The following LRRC7 variants were observed in gnomAD, a reference collection of about 807,000 sequenced individuals.
The protein encoded by LRRC7 is leucine-rich repeat-containing protein 7.
In LRRC7, 23 loss-of-function variants were observed where a neutral mutation model predicts 175.7. The observed-to-expected ratio is 0.13, with a 90% CI of 0.09 to 0.19. The LOEUF is 0.19. Among genes scored for constraint, LRRC7 ranks in the 10% least tolerant of loss-of-function variants. The pLI, the probability that LRRC7 is intolerant of heterozygous loss-of-function variation, is 1.00. For synonymous variants in LRRC7, 685 were observed against 680.9 expected (o/e 1.01, Z -0.09); for missense variants, 1,354 against 1,904.7 (o/e 0.71, Z 5.38).
chr1:70,117,608 A>G (rs2102236535), intron 26 of LRRC7, among the ~76,000 whole-genome samples: 1 of 152,326 alleles, frequency 6.6e-6, no homozygotes, highest in South Asian at 2.1e-4. Context: ...GCTTCTGGAA[A>G]TAATGTAATG....
intron 1 of LRRC7, among the ~76,000 whole-genome samples, chr1:69,600,800 C>T (rs139999706): frequency 0.033 from 2,097 of 64,278 alleles, 391 homozygotes; most frequent in Middle Eastern, 0.054. Context: ...TCTCTGGTTT[C>T]TTTTTTTTTT....
intron 7 of LRRC7, among the ~76,000 whole-genome samples, chr1:69,886,286 C>T (rs376250208): frequency 2.6e-5 from 4 of 151,584 alleles, no homozygotes; most frequent in Non-Finnish European, 4.4e-5. Flanking sequence ...ACTTGCTTTA[C>T]GAATCTGGGT....
rs757867928 is a variant in LRRC7, at chr1:69,568,595, C to A, written c.-45C>A. The A allele has an allele frequency of 1.5e-6, 2 of 1,349,144 alleles. No homozygotes were observed. The highest frequency in any genetic ancestry group is 1.5e-5 in the African/African-American group (1 of 66,128). The allele number at this position is 1,349,144 out of a possible 1,614,324, so 83.6% of individuals were successfully genotyped here. A position where few individuals can be genotyped will look rare whatever the true frequency, so the allele number is the denominator to read the frequency against. The stretch of plus-strand genomic sequence containing the variant: ...TAAGGAATAACCCTTGGCAGCTGCA[C>A]GACTACGCTCTCCGAAACCTCATGG... On this transcript the variant is annotated 5_prime_UTR_variant, in exon 1 of 27. Transcript: ENST00000651989.
chr1:69,943,830 TTAAGTG>T (rs1280790490), intron 8 of LRRC7, among the ~76,000 whole-genome samples: 2 of 151,966 alleles, frequency 1.3e-5, no homozygotes, highest in African/African-American at 2.4e-5. Context: ...GGGAGAGTAG[TTAAGTG>T]TAACTTCAAG....
intron 1 of LRRC7, among the ~76,000 whole-genome samples, chr1:69,577,139 A>T (rs1373861792): frequency 1.3e-5 from 2 of 152,238 alleles, no homozygotes; most frequent in African/African-American, 4.8e-5. Flanking sequence ...GGGACTGGAT[A>T]CAAAGATGAT....
At chr1:69,622,716 G>A (rs2764530) in intron 1 of LRRC7, among the ~76,000 whole-genome samples, 19,533 of 152,188 alleles carry the variant, frequency 0.13, 1,600 homozygotes, top group South Asian at 0.19. Context: ...CTCAGGAGAA[G>A]TAACAGTGCT....
chr1:69,900,223 G>A (rs1043411214), intron 7 of LRRC7, among the ~76,000 whole-genome samples: 4 of 152,078 alleles, frequency 2.6e-5, no homozygotes, highest in African/African-American at 4.8e-5. Flanking sequence ...CCTGTGAGAC[G>A]GGTATGGAAG....
chr1:70,001,085 T>C (rs1380876914), intron 11 of LRRC7, among the ~76,000 whole-genome samples: 1 of 152,208 alleles, frequency 6.6e-6, no homozygotes, highest in East Asian at 1.9e-4. Flanking sequence ...CTCACCTCAA[T>C]TAAGATCATT....
chr1:70,017,531 C>T (rs1657072941), intron 14 of LRRC7, among the ~76,000 whole-genome samples: 1 of 151,988 alleles, frequency 6.6e-6, no homozygotes, highest in Non-Finnish European at 1.5e-5. Flanking sequence ...TTTGAAACAC[C>T]TATCCTCAAA....
rs970975069 is a variant in LRRC7 at position 70,041,610 on chromosome 1, G to A, written c.3969+1817G>A. Among the ~76,000 whole-genome samples the A allele has an allele frequency of 2.6e-5, 4 of 152,168 alleles. No individual in the cohort carries two copies. In the South Asian group the frequency reaches 6.2e-4, roughly 24 times the overall value. On this transcript the variant is annotated intron_variant, in intron 21 of 26. Coordinates refer to ENST00000651989, the MANE Select transcript of LRRC7 (RefSeq NM_001370785.2). ...GGGAACTCTGGCCTCGTGTAGACACGACCATACGTAACAGGGTAAGATGAA... is the reference window on the plus strand; with the variant it reads ...GGGAACTCTGGCCTCGTGTAGACACAACCATACGTAACAGGGTAAGATGAA...
chr1:69,760,981 ACG>A (rs1491126037), intron 3 of LRRC7, among the ~76,000 whole-genome samples: 1 of 151,212 alleles, frequency 6.6e-6, no homozygotes, highest in Non-Finnish European at 1.5e-5. Flanking sequence ...ACACACACAC[ACG>A]TGCACACCTG....
chr1:69,765,100 C>CCACT (rs1671483171), intron 3 of LRRC7, among the ~76,000 whole-genome samples: 1 of 151,994 alleles, frequency 6.6e-6, no homozygotes, highest in South Asian at 2.1e-4. Flanking sequence ...TGTGATAATA[C>CCACT]CACTACTTCC....
At chr1:69,944,024 G>C (rs1649036457) in intron 8 of LRRC7, among the ~76,000 whole-genome samples, 1 of 149,310 alleles carries the variant, frequency 6.7e-6, no homozygotes, top group Non-Finnish European at 1.5e-5. Flanking sequence ...TTTTTCAATA[G>C]CCATTTCATT....
chr1:70,050,122 T>C (rs1660640412), intron 22 of LRRC7, among the ~76,000 whole-genome samples: 1 of 152,084 alleles, frequency 6.6e-6, no homozygotes, highest in South Asian at 2.1e-4. Flanking sequence ...CACACATATA[T>C]ACATAAGAAC....
chr1:69,787,472 A>G (rs1185856787), intron 3 of LRRC7, among the ~76,000 whole-genome samples: 1 of 152,194 alleles, frequency 6.6e-6, no homozygotes, highest in Non-Finnish European at 1.5e-5. Flanking sequence ...CCCTGCAGCA[A>G]ACATCTGCCT....
At chr1:69,788,108 C>T (rs1201161403) in intron 3 of LRRC7, among the ~76,000 whole-genome samples, 4 of 152,084 alleles carry the variant, frequency 2.6e-5, no homozygotes, top group African/African-American at 9.7e-5. Flanking sequence ...AGTTCACTCA[C>T]TGGGGGTGGT....
At chr1:69,938,338 G>A (rs1648267407) in intron 8 of LRRC7, among the ~76,000 whole-genome samples, 1 of 151,936 alleles carries the variant, frequency 6.6e-6, no homozygotes, top group African/African-American at 2.4e-5. Context: ...AAAAAATTCT[G>A]CACTCTACAA....
chr1:69,905,233 A>C (rs1441203373), intron 7 of LRRC7, among the ~76,000 whole-genome samples: 1 of 149,116 alleles, frequency 6.7e-6, no homozygotes, highest in African/African-American at 2.4e-5. Context: ...ATCAAATGGT[A>C]ATTCTGTTGT....
At chr1:69,717,930 A>G (rs796548524) in intron 2 of LRRC7, among the ~76,000 whole-genome samples, 879 of 3,124 alleles carry the variant, frequency 0.28, 111 homozygotes, top group Admixed American at 0.3. Flanking sequence ...AAAAAAAGAA[A>G]AGAAAGAAAG....
Sources: allele counts gnomAD v4.1 joint callset (sites outside exome capture counted in the v4.1 genomes callset), GRCh38; gene constraint gnomAD v4.1.1; transcripts MANE v1.5; gene names NCBI Gene and HGNC (gene_info 2026-07-23, HGNC 2026-07-21).